The following TMEM184B variants were observed in gnomAD, a reference collection of about 807,000 sequenced individuals.
TMEM184B encodes putative MAPK-activating protein FM08.
TMEM184B carries 17 observed loss-of-function variants against 41.8 expected under a neutral mutation model. The ratio of observed to expected loss-of-function variants is 0.41; its 90% CI spans 0.28 to 0.61. TMEM184B has a LOEUF of 0.61. Among genes scored for constraint, TMEM184B ranks in the 20% least tolerant of loss-of-function variants. The pLI, the probability that TMEM184B is intolerant of heterozygous loss-of-function variation, is 0.34. For synonymous variants in TMEM184B, 240 were observed against 229.5 expected, an observed-to-expected ratio of 1.05 and a Z score of -0.41; for missense variants, 393 against 557.8, an observed-to-expected ratio of 0.70 and a Z score of 2.98.
intron 1 of TMEM184B, among the ~76,000 whole-genome samples, chr22:38,259,073 G>A (rs537430601): frequency 7.9e-5 from 12 of 152,088 alleles, no homozygotes; most frequent in African/African-American, 1.2e-4. Context: ...CAGGAAAGAC[G>A]TCTTCCGGCT....
chr22:38,241,883 CAAAA>C (rs34060428), intron 3 of TMEM184B, among the ~76,000 whole-genome samples: 7 of 32,618 alleles, frequency 2.1e-4, no homozygotes, highest in Admixed American at 4.2e-4. Context: ...GACTCCGTCT[CAAAA>C]AAAAAAAAAA....
At position 38,245,462 on chromosome 22, in the gene TMEM184B, A is replaced by G. The variant is rs34706542; in HGVS notation, c.358+473T>C. Among the ~76,000 whole-genome samples the G allele has an allele frequency of 1.7e-3, 158 of 92,336 alleles. No homozygotes were observed. In the Middle Eastern group the frequency reaches 0.028, roughly 16 times the overall value. The allele number at this position is 92,336 out of a possible 152,430, so 60.6% of individuals were successfully genotyped here. A position where few individuals can be genotyped will look rare whatever the true frequency, so the allele number is the denominator to read the frequency against. ...GGTACCTGCCTGAGACGCCAGCACTAAGAAGCGAGACCCAGGGGGAGGGCC... is the reference window on the plus strand; with the variant it reads ...GGTACCTGCCTGAGACGCCAGCACTGAGAAGCGAGACCCAGGGGGAGGGCC... On this transcript the variant is annotated intron_variant, in intron 3 of 8. Transcript: ENST00000361906.
chr22:38,269,137 T>A (rs527399207), intron 1 of TMEM184B, among the ~76,000 whole-genome samples: 2 of 152,190 alleles, frequency 1.3e-5, no homozygotes, highest in Non-Finnish European at 1.5e-5. Context: ...CAGATTTAAA[T>A]TGCATCTCCC....
intron 1 of TMEM184B, among the ~76,000 whole-genome samples, chr22:38,255,837 GATGGAGC>G (rs1602472935): frequency 1.3e-5 from 2 of 152,234 alleles, no homozygotes; most frequent in Admixed American, 1.3e-4. Flanking sequence ...AAGCTATAAA[GATGGAGC>G]ATGGTGTAGT....
downstream of TMEM184B, among the ~76,000 whole-genome samples, chr22:38,217,624 A>C (rs901178890): frequency 2.0e-5 from 3 of 151,882 alleles, no homozygotes; most frequent in African/African-American, 7.3e-5. Flanking sequence ...CCTGGGCGAC[A>C]GAGTGAGACT....
chr22:38,249,219 GGCT>G (rs2092108884), intron 1 of TMEM184B, among the ~76,000 whole-genome samples: 1 of 152,176 alleles, frequency 6.6e-6, no homozygotes, highest in African/African-American at 2.4e-5. Context: ...GTGCAATCTC[GGCT>G]CCCTGCGGCT....
At chr22:38,261,403 A>T (rs2092366817) in intron 1 of TMEM184B, among the ~76,000 whole-genome samples, 1 of 152,024 alleles carries the variant, frequency 6.6e-6, no homozygotes, top group Non-Finnish European at 1.5e-5. Context: ...GCGGCTCCAC[A>T]TTTCTCCCCC....
chr22:38,222,620 G>A, intron 8 of TMEM184B: 1 of 985,448 alleles, frequency 1.0e-6, no homozygotes, highest in Non-Finnish European at 1.2e-6. Context: ...GGACAGACAT[G>A]CAGACCAAGA....
rs761268830 is a variant in TMEM184B, at chr22:38,219,397, C to T, written c.*2072G>A. The stretch of plus-strand genomic sequence containing the variant: ...TGTCACAGAGACCAAAATAGAGTGG[C>T]TTTCTGGTGGAACTCATGGCAGTCA... On this transcript the variant is annotated 3_prime_UTR_variant, in exon 9 of 9. Coordinates refer to ENST00000361906, the MANE Select transcript of TMEM184B (RefSeq NM_012264.5). 1.2e-5 allele frequency: 12 copies of T among 985,688 alleles called. No homozygotes were observed. Among genetic ancestry groups the T allele is most frequent in the Non-Finnish European group, 1.4e-5 (12 of 829,934 alleles). 61.1% of individuals were successfully genotyped at this position (985,688 alleles called of 1,614,324 possible).
chr22:38,239,260 T>C lies in TMEM184B; in HGVS notation c.358+6675A>G, dbSNP rs2091852103. 1 of 152,308 alleles carries C rather than the reference T, an allele frequency of 6.6e-6. No individual in the cohort carries two copies. Among genetic ancestry groups the C allele is most frequent in the African/African-American group, 2.4e-5 (1 of 41,422 alleles). 9.4% of individuals were successfully genotyped at this position (152,308 alleles called of 1,614,324 possible). A position where few individuals can be genotyped will look rare whatever the true frequency, so the allele number is the denominator to read the frequency against. ...AGATGGTACGTGGCACTAAGCCCTC[T>C]TCCAAGACTCAGCCCTCTCTTTGAG... On this transcript the variant is annotated intron_variant, in intron 3 of 8. Transcript: ENST00000361906. This position sits in a 1 kb window ranked among gnomAD's most constrained non-coding sequence, Gnocchi z 4.6.
chr22:38,252,947 C>T (rs1457747908), intron 1 of TMEM184B, among the ~76,000 whole-genome samples: 1 of 151,466 alleles, frequency 6.6e-6, no homozygotes, highest in Non-Finnish European at 1.5e-5. Context: ...TCGAGACCAA[C>T]CTGGCTAACA....
At position 38,221,369 on chromosome 22, in the gene TMEM184B, G is replaced by A. The variant is rs889968360; in HGVS notation, c.*100C>T. The A allele has an allele frequency of 1.3e-5, 20 of 1,496,620 alleles. No homozygotes were observed. Among genetic ancestry groups the A allele is most frequent in the Non-Finnish European group, 1.7e-5 (19 of 1,130,550 alleles). 92.7% of individuals were successfully genotyped at this position (1,496,620 alleles called of 1,614,324 possible). A position where few individuals can be genotyped will look rare whatever the true frequency, so the allele number is the denominator to read the frequency against. On this transcript the variant is annotated 3_prime_UTR_variant, in exon 9 of 9. Transcript: ENST00000361906. ...GGTCCAATAAATAAAGGCGGCGTGA[G>A]CACTGTGCCAGCTGCCTCCTGGCCT...
chr22:38,265,091 T>C lies in TMEM184B; in HGVS notation c.-59+7793A>G, dbSNP rs148183286. On this transcript the variant is annotated intron_variant, in intron 1 of 8. Transcript: ENST00000361906. The stretch of plus-strand genomic sequence containing the variant: ...CAAATCTGTGTATAGATGCACTTTC[T>C]CCTCCTGGAGATGAGGCTAGGACCC... Among the ~76,000 whole-genome samples the C allele has an allele frequency of 2.5e-3, 375 of 152,286 alleles. 1 individual carries two copies. The highest frequency in any genetic ancestry group is 8.7e-3 in the African/African-American group (361 of 41,550).
chr22:38,236,116 G>A (rs1348579159), intron 3 of TMEM184B, among the ~76,000 whole-genome samples: 2 of 152,182 alleles, frequency 1.3e-5, no homozygotes, highest in East Asian at 3.9e-4. Flanking sequence ...CAATCAGGCT[G>A]TGTCTTCTCT....
At chr22:38,258,350 G>A (rs1269522096) in intron 1 of TMEM184B, among the ~76,000 whole-genome samples, 5 of 150,550 alleles carry the variant, frequency 3.3e-5, no homozygotes, top group Non-Finnish European at 7.4e-5. Context: ...ACCCAGACTG[G>A]AGTACAGAGG....
At chr22:38,249,522 G>C (rs2092116692) in intron 1 of TMEM184B, among the ~76,000 whole-genome samples, 1 of 152,112 alleles carries the variant, frequency 6.6e-6, no homozygotes, top group African/African-American at 2.4e-5. Context: ...ATAGTGGGTG[G>C]GGCCCTCATG....
intron 1 of TMEM184B, among the ~76,000 whole-genome samples, chr22:38,268,762 A>G (rs942368007): frequency 6.6e-6 from 1 of 152,244 alleles, no homozygotes; most frequent in Non-Finnish European, 1.5e-5. Flanking sequence ...CCAGGCGACA[A>G]TGGCCTAAGG....
chr22:38,220,715 G>T lies in TMEM184B; in HGVS notation c.*754C>A. The T allele has an allele frequency of 1.0e-6, 1 of 986,310 alleles. No homozygotes were observed. Among genetic ancestry groups the T allele is most frequent in the Non-Finnish European group, 1.2e-6 (1 of 830,242 alleles). The allele number at this position is 986,310 out of a possible 1,614,324, so 61.1% of individuals were successfully genotyped here. On this transcript the variant is annotated 3_prime_UTR_variant, in exon 9 of 9. Transcript: ENST00000361906. ...TATCGAGGAAGGACCCAAGTGAGCC[G>T]GCAGTGCGGGCTGTGGGCTGTCCTT...
intron 1 of TMEM184B, among the ~76,000 whole-genome samples, chr22:38,251,663 C>G (rs1007627894): frequency 6.6e-6 from 1 of 152,194 alleles, no homozygotes; most frequent in Non-Finnish European, 1.5e-5. Context: ...TGTACAGGCA[C>G]TGACCGGGAA....
Sources: gnomAD v4.1 joint callset for allele counts (sites outside exome capture counted in the v4.1 genomes callset) on GRCh38, gnomAD v4.1.1 for gene constraint, Gnocchi (gnomAD v3.1) non-coding constraint, MANE v1.5 for transcripts, NCBI Gene and HGNC (gene_info 2026-07-23, HGNC 2026-07-21) for gene names.